Variants in FANCA observed in about 807,000 individuals in gnomAD.
The protein encoded by FANCA is FA complementation group A.
A neutral mutation model predicts 194.3 loss-of-function variants in FANCA; 236 were observed. The ratio of observed to expected loss-of-function variants is 1.21; its 90% CI spans 1.09 to 1.35. FANCA has a LOEUF of 1.35. FANCA is among the 40% of genes most tolerant of loss of function. The pLI, the probability that FANCA is intolerant of heterozygous loss-of-function variation, is 0.00. For missense variants in FANCA, 2,628 were observed against 1,813.9 expected (o/e 1.45, Z -8.15); for synonymous variants, 1,014 against 715.8 (o/e 1.42, Z -6.65).
intron 35 of FANCA, among the ~76,000 whole-genome samples, chr16:89,745,711 C>T (rs1357128427): frequency 3.3e-5 from 3 of 91,302 alleles, no homozygotes; most frequent in Non-Finnish European, 5.7e-5. Flanking sequence ...GAAGGGACCA[C>T]ACTCCTCTGA....
At chr16:89,749,100 T>G (rs2038491752) in intron 32 of FANCA, among the ~76,000 whole-genome samples, 1 of 152,240 alleles carries the variant, frequency 6.6e-6, no homozygotes. Flanking sequence ...ACTGTAAAAT[T>G]AAATGACTCC....
intron 23 of FANCA, 133 bp downstream of exon 23, chr16:89,771,545 G>A: frequency 1.0e-6 from 1 of 1,004,900 alleles, no homozygotes; most frequent in African/African-American, 1.6e-5. Context: ...CCGCTGCCTG[G>A]CCCTGGAACA....
Position 89,770,488 on chromosome 16 carries a change from T to C in FANCA, c.2222+76A>G, listed in dbSNP as rs548163856. 7.2e-5 allele frequency: 99 copies of C among 1,370,476 alleles called. 1 individual carries two copies. In the South Asian group the frequency reaches 1.2e-3, roughly 17 times the overall value. 84.9% of individuals were successfully genotyped at this position (1,370,476 alleles called of 1,614,324 possible). A position where few individuals can be genotyped will look rare whatever the true frequency, so the allele number is the denominator to read the frequency against. On this transcript the variant is annotated intron_variant, in intron 24 of 42. Coordinates refer to ENST00000389301, the MANE Select transcript of FANCA (RefSeq NM_000135.4). ...CTGCGGAGACGAGCTCATGAGTCCCTGGTCTGCAGACTTGGCCCAGCAAGA... is the reference window on the plus strand; with the variant it reads ...CTGCGGAGACGAGCTCATGAGTCCCCGGTCTGCAGACTTGGCCCAGCAAGA...
chr16:89,803,613 C>T (rs1056908154), intron 7 of FANCA, among the ~76,000 whole-genome samples: 12 of 148,824 alleles, frequency 8.1e-5, no homozygotes, highest in Admixed American at 3.4e-4. Context: ...AGTTTATAGT[C>T]AGATTTTTTT....
Position 89,786,824 on chromosome 16 carries a change from G to C in FANCA, c.1360-1860C>G, listed in dbSNP as rs74033874. ...AGTTAAAAATTTAAATAAAACCTGA[G>C]ACCACTCAAGGGTTCCCTTCTCAAA... On this transcript the variant is annotated intron_variant, in intron 14 of 42. Coordinates refer to ENST00000389301, the MANE Select transcript of FANCA (RefSeq NM_000135.4). Among the ~76,000 whole-genome samples, 774 of 152,230 alleles carry C rather than the reference G, an allele frequency of 5.1e-3. 5 individuals carry two copies. Among genetic ancestry groups the C allele is most frequent in the African/African-American group, 0.018 (750 of 41,552 alleles).
At chr16:89,796,866 C>A (rs2040265045) in intron 10 of FANCA, among the ~76,000 whole-genome samples, 1 of 152,038 alleles carries the variant, frequency 6.6e-6, no homozygotes, top group South Asian at 2.1e-4. Context: ...ACTAAAAATA[C>A]CAAAATATTA....
intron 14 of FANCA, among the ~76,000 whole-genome samples, chr16:89,786,094 C>A (rs1312663786): frequency 2.0e-5 from 3 of 149,990 alleles, no homozygotes; most frequent in African/African-American, 7.4e-5. Flanking sequence ...TCAGGGCTCA[C>A]TGCAACCTCT....
rs764049034 is a variant in FANCA, at chr16:89,737,756, G to C, written c.*845C>G. On this transcript the variant is annotated 3_prime_UTR_variant, in exon 43 of 43. Coordinates refer to ENST00000389301, the MANE Select transcript of FANCA (RefSeq NM_000135.4). Reference sequence around the variant, plus strand: ...TTCACATTGTCATCGTCGTCCCCCCGGGAGGTTGGAGCATCAGGGGCCTGG... The same window carrying C: ...TTCACATTGTCATCGTCGTCCCCCCCGGAGGTTGGAGCATCAGGGGCCTGG... 6.2e-6 allele frequency: 10 copies of C among 1,610,418 alleles called. No homozygotes were observed. In the African/African-American group the frequency reaches 1.1e-4, roughly 17 times the overall value.
intron 17 of FANCA, among the ~76,000 whole-genome samples, chr16:89,781,363 C>CAAAAAAA (rs775937692): frequency 3.8e-4 from 23 of 60,360 alleles, no homozygotes; most frequent in East Asian, 4.6e-4. Context: ...GACTCCATTC[C>CAAAAAAA]AAAAAAAAAA....
intron 39 of FANCA, 196 bp from the exon 40 acceptor site, chr16:89,739,749 G>T: frequency 1.3e-6 from 2 of 1,488,400 alleles, no homozygotes; most frequent in South Asian, 2.7e-5. Flanking sequence ...CCTCTTGCAG[G>T]AGGGTGGGTG....
chr16:89,777,934 G>C (rs1439279359), intron 20 of FANCA, among the ~76,000 whole-genome samples: 1 of 152,034 alleles, frequency 6.6e-6, no homozygotes, highest in Non-Finnish European at 1.5e-5. Context: ...GGCCGAGGTG[G>C]GCAGATCGCT....
In FANCA at chr16:89,771,155, C is replaced by CAAA. The variant is rs34471552; in HGVS notation, c.2151+520_2151+522dup. ...GCCTGGGCAACAGAGAAGACTCAGT[C>CAAA]AAAAAAAAAAAAAAAAAAAGAGGCC... On this transcript the variant is annotated intron_variant, in intron 23 of 42. Transcript: ENST00000389301. Among the ~76,000 whole-genome samples the CAAA allele has an allele frequency of 8.3e-3, 468 of 56,618 alleles. 9 individuals are homozygous for CAAA. Among genetic ancestry groups the CAAA allele is most frequent in the African/African-American group, 0.029 (403 of 13,722 alleles). 37.1% of individuals were successfully genotyped at this position (56,618 alleles called of 152,430 possible).
rs538264913 is a variant in FANCA, at chr16:89,798,244, C to T, written c.893+922G>A. The T allele has an allele frequency of 1.1e-5, 8 of 727,502 alleles. No individual in the cohort carries two copies. The African/African-American group carries it at 1.5e-4, about 14-fold the overall frequency. 45.1% of individuals were successfully genotyped at this position (727,502 alleles called of 1,614,324 possible). A position where few individuals can be genotyped will look rare whatever the true frequency, so the allele number is the denominator to read the frequency against. On this transcript the variant is annotated intron_variant, in intron 10 of 42. Coordinates refer to ENST00000389301, the MANE Select transcript of FANCA (RefSeq NM_000135.4). ...ACCAGAACCCAACCCTAGGGGCACC[C>T]TGACCTCCAACTTCCAGCCTCCACT...
intron 11 of FANCA, among the ~76,000 whole-genome samples, chr16:89,794,871 T>C (rs769418360): frequency 2.1e-4 from 32 of 152,166 alleles, no homozygotes; most frequent in Non-Finnish European, 3.7e-4. Context: ...CGAGTCTAGC[T>C]GAGAACCATG....
intron 30 of FANCA, among the ~76,000 whole-genome samples, chr16:89,755,996 T>C (rs2038756547): frequency 6.6e-6 from 1 of 152,168 alleles, no homozygotes; most frequent in African/African-American, 2.4e-5. Context: ...TAAACCGGCA[T>C]AGCATGTAAC....
chr16:89,777,002 A>AAGAG (rs1271381577), intron 20 of FANCA, among the ~76,000 whole-genome samples: 1 of 151,790 alleles, frequency 6.6e-6, no homozygotes, highest in African/African-American at 2.4e-5. Context: ...ATTTGAGGCC[A>AAGAG]AGAGAGAGAG....
At chr16:89,807,184 C>T (rs111626332) in intron 6 of FANCA, among the ~76,000 whole-genome samples, 6,424 of 134,012 alleles carry the variant, frequency 0.048, 458 homozygotes, top group African/African-American at 0.16. Flanking sequence ...GCAGGTTTTT[C>T]TTTTTTTTTT....
chr16:89,778,533 C>A (rs1231256963), intron 20 of FANCA: 10 of 414,838 alleles, frequency 2.4e-5, no homozygotes, highest in African/African-American at 2.3e-4. Flanking sequence ...GAGGCTGAAG[C>A]AAGAGAATCG....
chr16:89,746,805 C>T (rs116683391), intron 34 of FANCA, 26 bp downstream of exon 34: 32 of 1,573,142 alleles, frequency 2.0e-5, no homozygotes, highest in African/African-American at 4.1e-5. Flanking sequence ...GAGAAGGCCA[C>T]GAGAGGGGCT....
Sources: gnomAD v4.1 joint callset for allele counts (sites outside exome capture counted in the v4.1 genomes callset) on GRCh38, gnomAD v4.1.1 for gene constraint, MANE v1.5 for transcripts, NCBI Gene and HGNC (gene_info 2026-07-23, HGNC 2026-07-21) for gene names.